INPP4A: variants seen among roughly 807,000 people sequenced by gnomAD.
The protein encoded by INPP4A is inositol polyphosphate-4-phosphatase, type I, 107kD.
A neutral mutation model predicts 119.8 loss-of-function variants in INPP4A; 33 were observed. That is an observed-to-expected ratio of 0.28 (90% CI 0.21 to 0.37). The LOEUF is 0.37. Among genes scored for constraint, INPP4A ranks in the 10% least tolerant of loss-of-function variants. The pLI is 1.00. For missense variants in INPP4A, 956 were observed against 1,289.9 expected, an observed-to-expected ratio of 0.74 and a Z score of 3.97; for synonymous variants, 496 against 500.7, an observed-to-expected ratio of 0.99 and a Z score of 0.12.
chr2:98,567,121 C>T (rs539431111), intron 21 of INPP4A, among the ~76,000 whole-genome samples: 19 of 152,162 alleles, frequency 1.2e-4, no homozygotes, highest in South Asian at 8.3e-4. Context: ...TAGGTCGTTT[C>T]GCTGGCACGT....
At chr2:98,553,693 G>C (rs1051546231) in intron 14 of INPP4A, among the ~76,000 whole-genome samples, 8 of 152,316 alleles carry the variant, frequency 5.3e-5, no homozygotes, top group African/African-American at 1.9e-4. Flanking sequence ...ACACAGCATA[G>C]AGTGTGAGGT....
chr2:98,558,910 T>G (rs1694967383), intron 16 of INPP4A, among the ~76,000 whole-genome samples: 1 of 152,218 alleles, frequency 6.6e-6, no homozygotes, highest in Non-Finnish European at 1.5e-5. Context: ...TGTTTTAAAT[T>G]TGGGAGATTG....
intron 1 of INPP4A, among the ~76,000 whole-genome samples, chr2:98,445,549 C>G (rs1342639321): frequency 6.6e-6 from 1 of 152,254 alleles, no homozygotes; most frequent in African/African-American, 2.4e-5. Flanking sequence ...GACAACATTT[C>G]TAGCATCTTT....
In INPP4A at chr2:98,594,181, AAAG is replaced by A. The variant is rs1174185316; in HGVS notation, c.*6574_*6576del. 2.6e-5 allele frequency: 4 copies of A among 152,222 alleles called. No individual in the cohort carries two copies. The highest frequency in any genetic ancestry group is 5.9e-5 in the Non-Finnish European group (4 of 68,040). The allele number at this position is 152,222 out of a possible 1,614,324, so 9.4% of individuals were successfully genotyped here. On this transcript the variant is annotated 3_prime_UTR_variant, in exon 25 of 25. Coordinates refer to ENST00000409851, the MANE Select transcript of INPP4A (RefSeq NM_001134225.2). ...CATCACGAGCCAAATTCAAAAGGTC[AAAG>A]GAGAAGGCAAATGGCAGAGTGTGGT...
Position 98,574,554 on chromosome 2 carries a change from C to T in INPP4A, c.2631+1627C>T, listed in dbSNP as rs769350676. 3.3e-5 allele frequency among the ~76,000 whole-genome samples: 5 copies of T among 151,642 alleles called. No homozygotes were observed. In the South Asian group the frequency reaches 8.3e-4, roughly 25 times the overall value. ...TCGGGCGGCTGAGGTAGGAGAATTG[C>T]TTGAACCTGGGAGGCGGAGGTTGCA... On this transcript the variant is annotated intron_variant, in intron 23 of 24. Transcript: ENST00000409851.
chr2:98,560,829 G>T (rs1488714249), intron 17 of INPP4A, among the ~76,000 whole-genome samples: 1 of 152,192 alleles, frequency 6.6e-6, no homozygotes, highest in Admixed American at 6.5e-5. Context: ...GAAGCTCAGG[G>T]GGTCTTCTCA....
Position 98,554,156 on chromosome 2 carries a change from A to AAGGC in INPP4A, c.1348-112_1348-109dup. ...CTTCAGTTGCTTTGCACTGTGGAGA[A>AAGGC]AGGCAGAGGGGTGCAGTGCTGGGCT... On this transcript the variant is annotated intron_variant, in intron 14 of 24. Transcript: ENST00000409851. The surrounding 1 kb of genome is among the most constrained non-coding windows in gnomAD (Gnocchi z 4.7). 1 of 745,748 alleles carries AAGGC rather than the reference A, an allele frequency of 1.3e-6. No individual in the cohort carries two copies. Among genetic ancestry groups the AAGGC allele is most frequent in the Non-Finnish European group, 2.2e-6 (1 of 462,742 alleles). 46.2% of individuals were successfully genotyped at this position (745,748 alleles called of 1,614,324 possible). A position where few individuals can be genotyped will look rare whatever the true frequency, so the allele number is the denominator to read the frequency against.
chr2:98,556,938 C>T (rs1033805029), intron 16 of INPP4A, among the ~76,000 whole-genome samples: 1 of 152,166 alleles, frequency 6.6e-6, no homozygotes, highest in Non-Finnish European at 1.5e-5. Context: ...TGTCTCTATT[C>T]ATGTTCTCTT....
At chr2:98,564,513 G>C (rs1049623328) in intron 18 of INPP4A, 127 bp from the exon 19 acceptor site, 2 of 1,153,724 alleles carry the variant, frequency 1.7e-6, no homozygotes, top group Admixed American at 2.0e-5. Flanking sequence ...AGGGATGGGA[G>C]GTGCCACTGA....
At chr2:98,471,161 G>A (rs1330168157) in intron 1 of INPP4A, among the ~76,000 whole-genome samples, 3 of 152,156 alleles carry the variant, frequency 2.0e-5, no homozygotes, top group African/African-American at 7.2e-5. Flanking sequence ...ATGAGTGTGC[G>A]TGTATGTGGT....
chr2:98,444,702 T>C (rs1273043640), upstream of INPP4A, among the ~76,000 whole-genome samples: 1 of 152,062 alleles, frequency 6.6e-6, no homozygotes, highest in Non-Finnish European at 1.5e-5. Context: ...AACCTAGCAG[T>C]AGGAATTGGC....
intron 1 of INPP4A, among the ~76,000 whole-genome samples, chr2:98,478,936 G>A (rs907322586): frequency 1.3e-5 from 2 of 152,138 alleles, no homozygotes; most frequent in African/African-American, 4.8e-5. Context: ...GGCATCTTTC[G>A]AAGATGGCAG....
chr2:98,495,943 A>G (rs1440156086), intron 1 of INPP4A, among the ~76,000 whole-genome samples: 1 of 152,252 alleles, frequency 6.6e-6, no homozygotes, highest in East Asian at 1.9e-4. Context: ...TAGTATGTCA[A>G]ATAAATATAT....
rs141359094 is a variant in INPP4A at position 98,487,653 on chromosome 2, G to A, written c.-165-31311G>A. On this transcript the variant is annotated intron_variant, in intron 1 of 24. Transcript: ENST00000409851. ...TAGAGACAATTCTCTGTTTTATTTGGGAAGCAAGAATTGCAGTTCTGGGCA... is the reference window on the plus strand; with the variant it reads ...TAGAGACAATTCTCTGTTTTATTTGAGAAGCAAGAATTGCAGTTCTGGGCA... Among the ~76,000 whole-genome samples, 21 of 152,216 alleles carry A rather than the reference G, an allele frequency of 1.4e-4. No individual in the cohort carries two copies. The East Asian group carries it at 3.5e-3, about 25-fold the overall frequency.
At position 98,546,139 on chromosome 2, in the gene INPP4A, C is replaced by A; in HGVS notation, c.1054+66C>A. ...CTGCTTTTCTCTGTGGGTACTTGGT[C>A]CCTGAGTACCCCACATCTGCCCATT... On this transcript the variant is annotated intron_variant, in intron 12 of 24. Transcript: ENST00000409851. The surrounding 1 kb of genome is among the most constrained non-coding windows in gnomAD (Gnocchi z 4.2). 9.4e-7 allele frequency: 1 copy of A among 1,063,784 alleles called. No homozygotes were observed. The highest frequency in any genetic ancestry group is 1.4e-6 in the Non-Finnish European group (1 of 707,014). The allele number at this position is 1,063,784 out of a possible 1,614,324, so 65.9% of individuals were successfully genotyped here.
intron 1 of INPP4A, among the ~76,000 whole-genome samples, chr2:98,502,301 G>A (rs750145695): frequency 2.7e-5 from 4 of 146,448 alleles, no homozygotes; most frequent in Non-Finnish European, 4.5e-5. Context: ...GTAAGTGGGG[G>A]CTTGAGGTGG....
intron 1 of INPP4A, among the ~76,000 whole-genome samples, chr2:98,455,350 A>G (rs189079826): frequency 6.6e-6 from 1 of 151,484 alleles, no homozygotes; most frequent in Admixed American, 6.6e-5. Flanking sequence ...CAAAAAAAGA[A>G]AAAAAAAAGA....
intron 24 of INPP4A, among the ~76,000 whole-genome samples, chr2:98,584,856 A>C (rs1165037942): frequency 1.3e-5 from 2 of 152,250 alleles, no homozygotes; most frequent in Non-Finnish European, 2.9e-5. Flanking sequence ...TTACTCATGA[A>C]ATCAGGCCAA....
intron 17 of INPP4A, among the ~76,000 whole-genome samples, chr2:98,562,961 AAC>A (rs1695761609): frequency 3.9e-5 from 6 of 152,132 alleles, no homozygotes; most frequent in Admixed American, 6.5e-5. Context: ...GTAAGAATTG[AAC>A]ACAGTTGCAC....
Sources: gnomAD v4.1 joint callset for allele counts (sites outside exome capture counted in the v4.1 genomes callset) on GRCh38, gnomAD v4.1.1 for gene constraint, Gnocchi (gnomAD v3.1) non-coding constraint, MANE v1.5 for transcripts, NCBI Gene and HGNC (gene_info 2026-07-23, HGNC 2026-07-21) for gene names.